DPY30: variants seen among roughly 807,000 people sequenced by gnomAD.
The protein encoded by DPY30 is protein dpy-30 homolog.
A neutral mutation model predicts 16.2 loss-of-function variants in DPY30; 6 were observed. That is an observed-to-expected ratio of 0.37 (90% CI 0.20 to 0.73). The LOEUF (loss-of-function observed/expected upper bound fraction) is 0.73, where lower values mean the gene tolerates loss of function less well. DPY30 is among the 30% of genes least tolerant of loss of function. DPY30 has a pLI of 0.51. For missense variants in DPY30, 73 were observed against 113.1 expected (o/e 0.65, Z 1.61); for synonymous variants, 39 against 38.8 (o/e 1.00, Z -0.02).
downstream of DPY30, among the ~76,000 whole-genome samples, chr2:32,019,538 G>C (rs1224704731): frequency 1.3e-5 from 2 of 151,618 alleles, no homozygotes; most frequent in African/African-American, 4.8e-5. Flanking sequence ...GTATTGGCAG[G>C]GGGTGGTGGC....
downstream of DPY30, among the ~76,000 whole-genome samples, chr2:32,020,395 C>G (rs1173995785): frequency 2.0e-5 from 3 of 152,006 alleles, no homozygotes; most frequent in African/African-American, 7.2e-5. Context: ...ACCTATAGTC[C>G]TAGCTACTTG....
At chr2:32,030,688 A>T (rs937106461) in intron 3 of DPY30, among the ~76,000 whole-genome samples, 20 of 151,760 alleles carry the variant, frequency 1.3e-4, no homozygotes, top group African/African-American at 4.4e-4. Flanking sequence ...AGCCCCAGCT[A>T]CTCAGGAGCC....
intron 3 of DPY30, among the ~76,000 whole-genome samples, chr2:32,037,561 C>CTT (rs113001007): frequency 2.1e-5 from 3 of 144,256 alleles, no homozygotes. Flanking sequence ...GCCCAGACAA[C>CTT]TTTTTTTTTT....
chr2:32,025,619 G>A (rs578017152), intron 4 of DPY30, among the ~76,000 whole-genome samples: 37 of 151,764 alleles, frequency 2.4e-4, no homozygotes, highest in Middle Eastern at 3.4e-3. Context: ...AAAATTAGCC[G>A]GGCGTGGTAG....
downstream of DPY30, among the ~76,000 whole-genome samples, chr2:32,020,293 A>G (rs1675151506): frequency 6.6e-6 from 1 of 152,056 alleles, no homozygotes; most frequent in Non-Finnish European, 1.5e-5. Context: ...TGAGGCCAGG[A>G]GTTCGAGTTC....
chr2:32,025,104 G>C (rs1386932373), intron 4 of DPY30, among the ~76,000 whole-genome samples: 1 of 152,100 alleles, frequency 6.6e-6, no homozygotes, highest in Non-Finnish European at 1.5e-5. Flanking sequence ...TCTACAAATA[G>C]ACAAGATTTT....
At position 32,039,780 on chromosome 2, in the gene DPY30, C is replaced by G. The variant is rs376060957; in HGVS notation, c.-84G>C. ...TAAGAGCCCTGCACCGCGCCACCAG[C>G]TCCCAGCACAAACAGCTCCGGCCGT... On this transcript the variant is annotated 5_prime_UTR_variant, in exon 1 of 5. Transcript: ENST00000342166. 2.1e-5 allele frequency: 9 copies of G among 422,680 alleles called. No individual in the cohort carries two copies. Among genetic ancestry groups the G allele is most frequent in the Non-Finnish European group, 3.9e-5 (9 of 231,850 alleles). 26.2% of individuals were successfully genotyped at this position (422,680 alleles called of 1,614,324 possible).
At chr2:32,039,571 C>A (rs1003122527) in intron 1 of DPY30, 79 bp from the exon 2 acceptor site, 148 of 1,423,012 alleles carry the variant, frequency 1.0e-4, no homozygotes, top group Non-Finnish European at 1.4e-4. Context: ...GCCCAGCCCC[C>A]GACCCCGCCC....
Position 32,023,947 on chromosome 2 carries a change from A to C in DPY30, c.*237T>G. On this transcript the variant is annotated 3_prime_UTR_variant, in exon 5 of 5. Transcript: ENST00000342166. ...ATTTTGAAGGTCATTTTAAAAACAAAGTTAAAGACAATCTGAGAAAAAAAT... is the reference window on the plus strand; with the variant it reads ...ATTTTGAAGGTCATTTTAAAAACAACGTTAAAGACAATCTGAGAAAAAAAT... 7.2e-7 allele frequency: 1 copy of C among 1,390,232 alleles called. No homozygotes were observed. Among genetic ancestry groups the C allele is most frequent in the Non-Finnish European group, 9.3e-7 (1 of 1,070,362 alleles). The allele number at this position is 1,390,232 out of a possible 1,614,324, so 86.1% of individuals were successfully genotyped here.
chr2:32,016,827 G>A lies in DPY30; in HGVS notation n.378-4775C>T, dbSNP rs1422380340. ...ATTAAATGGTCAAAGGTTAGGAACT[G>A]TTTATATGATTTCCAGTTATATATA... On this transcript the variant is annotated intron_variant and non_coding_transcript_variant, in intron 5 of 5. Transcript: ENST00000414013. 3.9e-5 allele frequency among the ~76,000 whole-genome samples: 6 copies of A among 152,026 alleles called. No individual in the cohort carries two copies. The South Asian group carries it at 1.0e-3, about 26-fold the overall frequency.
intron 3 of DPY30, among the ~76,000 whole-genome samples, chr2:32,030,687 T>C (rs1461114438): frequency 2.0e-5 from 3 of 150,952 alleles, no homozygotes; most frequent in Admixed American, 6.6e-5. Flanking sequence ...TAGCCCCAGC[T>C]ACTCAGGAGC....
Position 32,039,336 on chromosome 2 carries a change from A to G in DPY30, c.37-10T>C. ...GAGGATTTTCTGCAACCTAGAAAAC[A>G]AAACACCGGTCACAGAGATATAAGT... On this transcript the variant is annotated splice_polypyrimidine_tract_variant and intron_variant, in intron 2 of 4. Coordinates refer to ENST00000342166, the MANE Select transcript of DPY30 (RefSeq NM_001321209.2). 1 of 1,614,164 alleles carries G rather than the reference A, an allele frequency of 6.2e-7. No homozygotes were observed. Among genetic ancestry groups the G allele is most frequent in the Non-Finnish European group, 8.5e-7 (1 of 1,180,032 alleles).
intron 5 of DPY30, among the ~76,000 whole-genome samples, chr2:32,014,685 A>G (rs947010065): frequency 2.0e-5 from 3 of 151,824 alleles, no homozygotes; most frequent in African/African-American, 7.3e-5. Context: ...GGGTTTCACC[A>G]TGTTAGCCAG....
At position 32,033,039 on chromosome 2, in the gene DPY30, G is replaced by A. The variant is rs529069125; in HGVS notation, c.85-3303C>T. The stretch of plus-strand genomic sequence containing the variant: ...TTTTTTTTAATTTTTGGCAGGGCGC[G>A]GTGGCTCATGCCTGTAATCCCAGTA... On this transcript the variant is annotated intron_variant, in intron 3 of 4. Coordinates refer to ENST00000342166, the MANE Select transcript of DPY30 (RefSeq NM_001321209.2). Among the ~76,000 whole-genome samples the A allele has an allele frequency of 6.2e-4, 92 of 148,650 alleles. No homozygotes were observed. The South Asian group carries it at 0.016, about 26-fold the overall frequency.
intron 3 of DPY30, among the ~76,000 whole-genome samples, chr2:32,035,788 G>C (rs567638954): frequency 1.3e-5 from 2 of 151,616 alleles, no homozygotes; most frequent in South Asian, 2.1e-4. Flanking sequence ...ACAAAAATTA[G>C]CTGGGCATGG....
chr2:32,038,467 T>C (rs1453928538), intron 3 of DPY30, among the ~76,000 whole-genome samples: 3 of 148,726 alleles, frequency 2.0e-5, no homozygotes, highest in Non-Finnish European at 4.5e-5. Context: ...ACACCCAGGC[T>C]GGAGCGCAGT....
At chr2:32,025,258 T>C (rs936834928) in intron 4 of DPY30, among the ~76,000 whole-genome samples, 3 of 149,730 alleles carry the variant, frequency 2.0e-5, no homozygotes, top group African/African-American at 7.4e-5. Flanking sequence ...AGGTCAGGAG[T>C]TCAAGACAGT....
chr2:32,029,202 G>A (rs1028506101), intron 4 of DPY30, among the ~76,000 whole-genome samples: 1 of 152,112 alleles, frequency 6.6e-6, no homozygotes, highest in Non-Finnish European at 1.5e-5. Flanking sequence ...AAACCAGGAG[G>A]TAGAGGTTGC....
chr2:32,038,647 CTTTTT>C (rs10679637), intron 3 of DPY30, among the ~76,000 whole-genome samples: 3 of 111,252 alleles, frequency 2.7e-5, no homozygotes, highest in African/African-American at 1.1e-4. Context: ...TTATTTTTTA[CTTTTT>C]TTTTTTTTTT....
Sources: gnomAD v4.1 joint callset for allele counts (sites outside exome capture counted in the v4.1 genomes callset) on GRCh38, gnomAD v4.1.1 for gene constraint, MANE v1.5 for transcripts, NCBI Gene and HGNC (gene_info 2026-07-23, HGNC 2026-07-21) for gene names.